RIN2: variants seen among roughly 807,000 people sequenced by gnomAD.
RIN2 encodes RAB5 interacting protein 2.
RIN2 carries 36 observed loss-of-function variants against 78.0 expected under a neutral mutation model. The observed-to-expected ratio is 0.46, with a 90% CI of 0.35 to 0.61. The LOEUF is 0.61. RIN2 is among the 20% of genes least tolerant of loss of function. The pLI is 0.00. For missense variants in RIN2, 1,087 were observed against 1,159.7 expected, an observed-to-expected ratio of 0.94 and a Z score of 0.91; for synonymous variants, 466 against 466.8, an observed-to-expected ratio of 1.00 and a Z score of 0.02.
rs1247177723 is a variant in RIN2, at chr20:19,853,729, TG to T, written c.-36-35836del. 3.3e-5 allele frequency among the ~76,000 whole-genome samples: 5 copies of T among 152,342 alleles called. No individual in the cohort carries two copies. The East Asian group carries it at 5.8e-4, about 18-fold the overall frequency. On this transcript the variant is annotated intron_variant, in intron 2 of 12. Transcript: ENST00000255006. ...TCCTTTGCCCACTTTGTGATGGGGT[TG>T]TTTTTTTCTTGTAAATTTCTTTGAG...
At chr20:19,848,554 A>G (rs1250964707) in intron 2 of RIN2, among the ~76,000 whole-genome samples, 6 of 151,476 alleles carry the variant, frequency 4.0e-5, no homozygotes, top group Non-Finnish European at 8.8e-5. Context: ...AAAAAAAAAA[A>G]AAGAGTGGGG....
intron 1 of RIN2, among the ~76,000 whole-genome samples, chr20:19,792,104 G>A (rs2034905042): frequency 6.6e-6 from 1 of 152,118 alleles, no homozygotes; most frequent in Non-Finnish European, 1.5e-5. Flanking sequence ...AGTATGAGCT[G>A]AAAGAAAGAA....
chr20:19,946,713 CA>C (rs74180972), intron 4 of RIN2, among the ~76,000 whole-genome samples: 261 of 78,012 alleles, frequency 3.3e-3, no homozygotes, highest in Middle Eastern at 0.011. Flanking sequence ...GATTCTATCT[CA>C]AAAAAAAAAA....
At chr20:19,948,964 G>A (rs561338244) in intron 4 of RIN2, among the ~76,000 whole-genome samples, 41 of 150,478 alleles carry the variant, frequency 2.7e-4, no homozygotes, top group African/African-American at 9.8e-4. Context: ...CACTGCACCA[G>A]GCCGTAATTT....
intron 2 of RIN2, chr20:19,823,900 A>G (rs879088415): frequency 1.0e-5 from 16 of 1,597,654 alleles, no homozygotes; most frequent in South Asian, 5.6e-5. Context: ...GGTGCACCTC[A>G]GGTATACGAC....
chr20:19,901,136 C>T (rs1026904933), intron 3 of RIN2, among the ~76,000 whole-genome samples: 8 of 152,000 alleles, frequency 5.3e-5, no homozygotes, highest in Non-Finnish European at 8.8e-5. Flanking sequence ...AGCATAGAAA[C>T]GTCTTCATTC....
At chr20:19,776,405 T>C in intron 1 of RIN2, among the ~76,000 whole-genome samples, 1 of 152,190 alleles carries the variant, frequency 6.6e-6, no homozygotes, top group Non-Finnish European at 1.5e-5. Flanking sequence ...GGTCTTTAGA[T>C]AATAACTCTT....
intron 3 of RIN2, among the ~76,000 whole-genome samples, chr20:19,917,328 G>A (rs756710127): frequency 6.6e-6 from 1 of 152,218 alleles, no homozygotes; most frequent in Non-Finnish European, 1.5e-5. Flanking sequence ...CCTGTCCAGA[G>A]TACTAAATGG....
intron 2 of RIN2, among the ~76,000 whole-genome samples, chr20:19,876,921 C>A (rs1356529388): frequency 1.3e-5 from 2 of 148,894 alleles, no homozygotes; most frequent in South Asian, 2.2e-4. Context: ...AAACAAAAAA[C>A]AAACAAACAA....
chr20:19,967,329 C>G (rs1358615752), intron 7 of RIN2, among the ~76,000 whole-genome samples: 1 of 152,158 alleles, frequency 6.6e-6, no homozygotes, highest in African/African-American at 2.4e-5. Flanking sequence ...TTCCAAAATG[C>G]AAAGATATTT....
chr20:19,898,182 A>G (rs1344564833), intron 3 of RIN2, among the ~76,000 whole-genome samples: 1 of 152,246 alleles, frequency 6.6e-6, no homozygotes, highest in Non-Finnish European at 1.5e-5. Context: ...GGTTTTATAA[A>G]TGGTTTTTCC....
In RIN2 at chr20:19,832,622, T is replaced by A. The variant is rs113944019; in HGVS notation, c.-37+32875T>A. Among the ~76,000 whole-genome samples, 164 of 151,874 alleles carry A rather than the reference T, an allele frequency of 1.1e-3. 1 individual carries two copies. Among genetic ancestry groups the A allele is most frequent in the South Asian group, 3.1e-3 (15 of 4,792 alleles). On this transcript the variant is annotated intron_variant, in intron 2 of 12. Coordinates refer to ENST00000255006, the MANE Select transcript of RIN2 (RefSeq NM_018993.4). ...GACAGCCCCTTCCTTAGTCCCTCAG[T>A]GCCCCAGACTGGGTAACTTAGAAAC...
intron 2 of RIN2, among the ~76,000 whole-genome samples, chr20:19,822,961 A>G (rs1340043647): frequency 7.2e-6 from 1 of 138,244 alleles, no homozygotes. Context: ...TATTTCTAAT[A>G]ATTTCTAATA....
At chr20:19,820,642 T>TCCAGG (rs1000589000) in intron 2 of RIN2, among the ~76,000 whole-genome samples, 1 of 152,144 alleles carries the variant, frequency 6.6e-6, no homozygotes, top group African/African-American at 2.4e-5. Context: ...TCCACCAGGT[T>TCCAGG]CCAGGCCAGG....
intron 3 of RIN2, among the ~76,000 whole-genome samples, chr20:19,927,846 G>A (rs377424271): frequency 1.3e-5 from 2 of 151,968 alleles, no homozygotes; most frequent in Non-Finnish European, 2.9e-5. Flanking sequence ...TACTGCTCCC[G>A]GCCAAGAGAT....
chr20:19,894,455 T>A (rs1343277704), intron 3 of RIN2, among the ~76,000 whole-genome samples: 1 of 152,224 alleles, frequency 6.6e-6, no homozygotes, highest in African/African-American at 2.4e-5. Flanking sequence ...ATTCTCTGTG[T>A]TGTCCAGGCT....
Position 19,974,756 on chromosome 20 carries a change from G to A in RIN2, c.731G>A (p.Cys244Tyr). 1.9e-6 allele frequency: 3 copies of A among 1,614,002 alleles called. No homozygotes were observed. In the African/African-American group the frequency reaches 4.0e-5, roughly 22 times the overall value. Residue 244 changes from cysteine (C) to tyrosine (Y), a missense_variant, in exon 9 of 13, where the codon TGC becomes TAC. This residue lies in a region of RIN2 where 706 missense variants were observed against 667.5 expected (regional missense o/e 1.06). Coordinates refer to ENST00000255006, the MANE Select transcript of RIN2 (RefSeq NM_018993.4). ...TGTCCTGCCTCCCTGCGTCAGCTCT[G>A]CCTTATAAATGGAGTGCATTCTATC... ...GVCPASLRQL[C>Y]LINGVHSIKT...
intron 2 of RIN2, among the ~76,000 whole-genome samples, chr20:19,854,336 T>A (rs2037093291): frequency 6.6e-6 from 1 of 152,286 alleles, no homozygotes. Flanking sequence ...TTTGTTCTTT[T>A]GGCTTAGGAT....
chr20:19,846,048 C>T (rs564046719), intron 2 of RIN2, among the ~76,000 whole-genome samples: 40 of 152,108 alleles, frequency 2.6e-4, no homozygotes, highest in Admixed American at 7.9e-4. Context: ...AGATGTGTGG[C>T]GTTACTTCTG....
Sources: allele counts gnomAD v4.1 joint callset (sites outside exome capture counted in the v4.1 genomes callset), GRCh38; gene constraint gnomAD v4.1.1; regional missense constraint gnomAD v4.1.1; transcripts MANE v1.5; gene names NCBI Gene and HGNC (gene_info 2026-07-23, HGNC 2026-07-21).